LINGO2: variants seen among roughly 807,000 people sequenced by gnomAD.
The protein encoded by LINGO2 is leucine rich repeat and Ig domain containing 2, also known as leucine-rich repeat and immunoglobulin-like domain-containing nogo receptor-interacting protein 2.
In LINGO2, 14 loss-of-function variants were observed where a neutral mutation model predicts 30.6. The observed-to-expected ratio is 0.46, with a 90% confidence interval of 0.30 to 0.72. The LOEUF (loss-of-function observed/expected upper bound fraction) is 0.72. Ranked by LOEUF, LINGO2 falls within the 30% of genes least tolerant of loss-of-function variation. The pLI is 0.07. For synonymous variants in LINGO2, 317 were observed against 288.5 expected, an observed-to-expected ratio of 1.10 and a Z score of -1.00; for missense variants, 729 against 751.7, an observed-to-expected ratio of 0.97 and a Z score of 0.35.
chr9:28,699,094 C>T, the LINGO2 span, among the ~76,000 whole-genome samples: 6 of 151,298 alleles, frequency 4.0e-5, no homozygotes, highest in Admixed American at 3.3e-4. Context: ...CGAACTGGTA[C>T]AATTACTATG....
At chr9:28,491,277 G>A (rs370520312) in intron 1 of LINGO2, among the ~76,000 whole-genome samples, 1 of 152,148 alleles carries the variant, frequency 6.6e-6, no homozygotes, top group Non-Finnish European at 1.5e-5. Context: ...AGCTTCTAGA[G>A]GCCTCTTGGC....
intron 4 of LINGO2, among the ~76,000 whole-genome samples, chr9:28,251,572 CTT>C (rs780639032): frequency 6.6e-6 from 1 of 151,756 alleles, no homozygotes; most frequent in Non-Finnish European, 1.5e-5. Flanking sequence ...TTCTTTCTCT[CTT>C]TGCAATCTCT....
chr9:29,088,882 T>A, the LINGO2 span, among the ~76,000 whole-genome samples: 1 of 152,270 alleles, frequency 6.6e-6, no homozygotes, highest in African/African-American at 2.4e-5. Context: ...TATTAACATA[T>A]GCCTTTCAGT....
At chr9:28,098,591 A>T (rs1377421843) in intron 4 of LINGO2, among the ~76,000 whole-genome samples, 1 of 152,110 alleles carries the variant, frequency 6.6e-6, no homozygotes, top group African/African-American at 2.4e-5. Context: ...TCTATATACT[A>T]AATATCCTCT....
the LINGO2 span, among the ~76,000 whole-genome samples, chr9:28,700,843 T>A: frequency 6.6e-6 from 1 of 152,124 alleles, no homozygotes; most frequent in Non-Finnish European, 1.5e-5. Context: ...TTTTGGCCAT[T>A]CTAATAGGTA....
exon 6 of LINGO2, chr9:27,948,829 C>G: frequency 6.3e-7 from 1 of 1,585,162 alleles, no homozygotes; most frequent in South Asian, 1.2e-5. Context: ...GACAAAGAGA[C>G]AGTAATGTGA....
chr9:28,558,727 CAGAA>C lies in LINGO2; in HGVS notation c.-364-82706_-364-82703del, dbSNP rs558973838. Among the ~76,000 whole-genome samples the C allele has an allele frequency of 5.3e-5, 8 of 151,928 alleles. No homozygotes were observed. The East Asian group carries it at 1.2e-3, about 22-fold the overall frequency. Reference sequence around the variant, plus strand: ...TTAACTTTCTGCACTGTCATTTTAGCAGAAAGAAAGAAAGAAAAAAGCTGAATCT... The same window carrying C: ...TTAACTTTCTGCACTGTCATTTTAGCAGAAAGAAAGAAAAAAGCTGAATCT... On this transcript the variant is annotated intron_variant, in intron 1 of 5. Coordinates refer to ENST00000379992, the Ensembl canonical transcript of LINGO2.
chr9:28,437,146 G>T (rs1271335439), intron 2 of LINGO2, among the ~76,000 whole-genome samples: 1 of 152,180 alleles, frequency 6.6e-6, no homozygotes, highest in East Asian at 1.9e-4. Context: ...GAGTGGAAAA[G>T]GTCCACTCTC....
chr9:28,315,998 G>A (rs1356805956), intron 3 of LINGO2, among the ~76,000 whole-genome samples: 1 of 152,074 alleles, frequency 6.6e-6, no homozygotes, highest in East Asian at 1.9e-4. Flanking sequence ...GTGATTGTTG[G>A]CCAAGTCTCT....
the LINGO2 span, among the ~76,000 whole-genome samples, chr9:28,944,026 T>C: frequency 6.6e-6 from 1 of 152,324 alleles, no homozygotes; most frequent in Non-Finnish European, 1.5e-5. Context: ...CAAGTAGAGC[T>C]TATTCATCTT....
At chr9:29,210,734 A>G in the LINGO2 span, among the ~76,000 whole-genome samples, 1 of 152,220 alleles carries the variant, frequency 6.6e-6, no homozygotes, top group African/African-American at 2.4e-5. Context: ...TACCTTAATC[A>G]AAAATAATAG....
the LINGO2 span, among the ~76,000 whole-genome samples, chr9:28,935,968 T>G: frequency 6.6e-6 from 1 of 151,906 alleles, no homozygotes; most frequent in Non-Finnish European, 1.5e-5. Context: ...TAAAATAGAG[T>G]CATATTAGAG....
At chr9:28,780,346 AT>A in the LINGO2 span, among the ~76,000 whole-genome samples, 71,776 of 151,304 alleles carry the variant, frequency 0.47, 18,572 homozygotes, top group Middle Eastern at 0.68. Flanking sequence ...TGTGAGTAAA[AT>A]TTTTTTTTTC....
intron 4 of LINGO2, among the ~76,000 whole-genome samples, chr9:28,212,074 A>T (rs1000657325): frequency 6.6e-6 from 1 of 151,466 alleles, no homozygotes; most frequent in Non-Finnish European, 1.5e-5. Flanking sequence ...TTTAGAAGTA[A>T]TCCAAATTTT....
chr9:29,003,951 C>G, the LINGO2 span, among the ~76,000 whole-genome samples: 1 of 151,988 alleles, frequency 6.6e-6, no homozygotes, highest in East Asian at 1.9e-4. Flanking sequence ...ATTTCATGAT[C>G]TACAAAATCT....
chr9:28,831,438 C>A, the LINGO2 span, among the ~76,000 whole-genome samples: 57 of 152,156 alleles, frequency 3.7e-4, no homozygotes, highest in Middle Eastern at 3.4e-3. Flanking sequence ...GTATTGTCCC[C>A]ATTTTCTATT....
intron 4 of LINGO2, among the ~76,000 whole-genome samples, chr9:28,191,968 C>T (rs1282580514): frequency 1.3e-5 from 2 of 152,004 alleles, no homozygotes; most frequent in South Asian, 4.1e-4. Context: ...TATATTCTGT[C>T]GACTCCCAGA....
intron 4 of LINGO2, among the ~76,000 whole-genome samples, chr9:28,256,965 G>A (rs1822402532): frequency 6.6e-6 from 1 of 151,736 alleles, no homozygotes; most frequent in African/African-American, 2.4e-5. Flanking sequence ...TAAATCTATT[G>A]TGAGGAATAT....
chr9:28,461,359 C>A (rs574914967), intron 2 of LINGO2, among the ~76,000 whole-genome samples: 1 of 152,224 alleles, frequency 6.6e-6, no homozygotes, highest in Non-Finnish European at 1.5e-5. Flanking sequence ...TCATTTACTT[C>A]GTGGCTTTCT....
Sources: allele counts gnomAD v4.1 joint callset (sites outside exome capture counted in the v4.1 genomes callset), GRCh38; gene constraint gnomAD v4.1.1; transcripts MANE v1.5; gene names NCBI Gene and HGNC (gene_info 2026-07-23, HGNC 2026-07-21).